FER: variants seen among roughly 807,000 people sequenced by gnomAD.
FER encodes the protein FER tyrosine kinase, also known as tyrosine-protein kinase Fer.
In FER, 63 loss-of-function variants were observed where a neutral mutation model predicts 111.0. The ratio of observed to expected loss-of-function variants is 0.57; its 90% CI spans 0.46 to 0.70. The LOEUF (loss-of-function observed/expected upper bound fraction) is 0.70, where lower values mean the gene tolerates loss of function less well. FER is among the 30% of genes least tolerant of loss of function. The probability of loss-of-function intolerance (pLI) is 0.00; values close to 1 mark genes in which losing one functional copy is unlikely to be tolerated. For synonymous variants in FER, 327 were observed against 313.9 expected, an observed-to-expected ratio of 1.04 and a Z score of -0.44; for missense variants, 914 against 954.0, an observed-to-expected ratio of 0.96 and a Z score of 0.55.
chr5:108,826,557 C>G (rs1245869035), intron 3 of FER, among the ~76,000 whole-genome samples: 2 of 152,132 alleles, frequency 1.3e-5, no homozygotes. Context: ...CTGGACAGTT[C>G]TTGTTTCTTA....
chr5:109,032,835 AGT>A lies in FER; in HGVS notation c.1657-4585_1657-4584del, dbSNP rs1404087766. ...AATAAGAGAATTGATAAATAGGAAAAGTGGATATTTTTCTTTTACCGTAATCA... is the reference window on the plus strand; with the variant it reads ...AATAAGAGAATTGATAAATAGGAAAAGGATATTTTTCTTTTACCGTAATCA... On this transcript the variant is annotated intron_variant, in intron 13 of 19. Transcript: ENST00000281092. 5.3e-5 allele frequency among the ~76,000 whole-genome samples: 8 copies of A among 152,334 alleles called. No homozygotes were observed. The East Asian group carries it at 1.3e-3, about 26-fold the overall frequency.
At chr5:108,911,300 C>T (rs1264917895) in intron 10 of FER, among the ~76,000 whole-genome samples, 2 of 151,900 alleles carry the variant, frequency 1.3e-5, no homozygotes. Context: ...TGTCGTTTGC[C>T]CACTTTTTAA....
At chr5:109,092,284 C>CAAAAAAAAAAAA (rs70999914) in intron 16 of FER, among the ~76,000 whole-genome samples, 4 of 40,424 alleles carry the variant, frequency 9.9e-5, no homozygotes, top group African/African-American at 1.6e-4. Flanking sequence ...CTTATGATGG[C>CAAAAAAAAAAAA]AAAAAAAAAA....
intron 16 of FER, among the ~76,000 whole-genome samples, chr5:109,061,704 A>G (rs977027150): frequency 2.6e-5 from 4 of 152,166 alleles, no homozygotes; most frequent in African/African-American, 9.7e-5. Context: ...AAACAGGAAA[A>G]TTTCTGTTTG....
chr5:109,153,491 A>T (rs923798684), intron 17 of FER, among the ~76,000 whole-genome samples: 1 of 151,962 alleles, frequency 6.6e-6, no homozygotes, highest in Admixed American at 6.6e-5. Context: ...ATTTTCAGTA[A>T]TAAAGTGTGC....
At chr5:108,993,605 GAGGGAGAGGGCA>G (rs1169933455) in intron 13 of FER, among the ~76,000 whole-genome samples, 14 of 113,434 alleles carry the variant, frequency 1.2e-4, no homozygotes, top group South Asian at 2.6e-4. Context: ...GGGCGAGGGC[GAGGGAGAGGGCA>G]AGGGCGAGGG....
At chr5:108,998,254 T>A (rs1408932546) in intron 13 of FER, among the ~76,000 whole-genome samples, 2 of 150,674 alleles carry the variant, frequency 1.3e-5, no homozygotes, top group Non-Finnish European at 2.9e-5. Flanking sequence ...AGTCTTGTGG[T>A]TGAAACTCAG....
chr5:108,805,139 T>C (rs918779183), intron 3 of FER, among the ~76,000 whole-genome samples: 3 of 152,076 alleles, frequency 2.0e-5, no homozygotes, highest in African/African-American at 7.2e-5. Flanking sequence ...GGTGACTGAA[T>C]TATGGGAGTG....
intron 5 of FER, among the ~76,000 whole-genome samples, chr5:108,850,710 C>T (rs565322880): frequency 6.6e-6 from 1 of 151,952 alleles, no homozygotes; most frequent in Non-Finnish European, 1.5e-5. Context: ...CTGTTTATTA[C>T]AGTAATTTTG....
At chr5:109,099,274 A>G (rs1747915043) in intron 16 of FER, among the ~76,000 whole-genome samples, 1 of 151,612 alleles carries the variant, frequency 6.6e-6, no homozygotes, top group African/African-American at 2.4e-5. Flanking sequence ...TGCATTAGTC[A>G]GTATGGTAGT....
intron 5 of FER, among the ~76,000 whole-genome samples, chr5:108,863,404 C>T (rs1763726327): frequency 6.6e-6 from 1 of 152,150 alleles, no homozygotes; most frequent in African/African-American, 2.4e-5. Flanking sequence ...TACACGTGAG[C>T]TGCTGCACCC....
Position 109,192,865 on chromosome 5 carries a change from A to G in FER, c.*5290A>G, listed in dbSNP as rs986561589. 2.0e-5 allele frequency: 3 copies of G among 152,176 alleles called. No homozygotes were observed. Among genetic ancestry groups the G allele is most frequent in the Admixed American group, 2.0e-4 (3 of 15,272 alleles). The allele number at this position is 152,176 out of a possible 1,614,324, so 9.4% of individuals were successfully genotyped here. A position where few individuals can be genotyped will look rare whatever the true frequency, so the allele number is the denominator to read the frequency against. On this transcript the variant is annotated 3_prime_UTR_variant, in exon 20 of 20. Transcript: ENST00000281092. ...CAAGTAGCAATGTTCCTTGTCTTCA[A>G]TAACATTTGAGGGAAAGGAATCTAG...
intron 17 of FER, among the ~76,000 whole-genome samples, chr5:109,110,119 T>G (rs1232465235): frequency 2.0e-5 from 3 of 152,170 alleles, no homozygotes; most frequent in Admixed American, 2.0e-4. Flanking sequence ...GTGTTACCAA[T>G]ACTGAGTATG....
intron 8 of FER, among the ~76,000 whole-genome samples, chr5:108,880,411 T>C (rs1185851731): frequency 6.6e-6 from 1 of 152,192 alleles, no homozygotes; most frequent in African/African-American, 2.4e-5. Context: ...GGACAGATTC[T>C]GAGGTAGGGC....
At chr5:109,041,838 T>G (rs1771225634) in intron 14 of FER, among the ~76,000 whole-genome samples, 1 of 152,134 alleles carries the variant, frequency 6.6e-6, no homozygotes, top group African/African-American at 2.4e-5. Context: ...GTGGGAGAGA[T>G]AATGGTTTAA....
rs560794630 is a variant in FER, at chr5:108,866,089, T to C, written c.482-1678T>C. Among the ~76,000 whole-genome samples, 7 of 152,310 alleles carry C rather than the reference T, an allele frequency of 4.6e-5. No homozygotes were observed. In the South Asian group the frequency reaches 1.4e-3, roughly 32 times the overall value. The stretch of plus-strand genomic sequence containing the variant: ...GACCCAGCCATCCCATTACTGAGTA[T>C]ATACCAAAAATATTATAAATCATGC... On this transcript the variant is annotated intron_variant, in intron 5 of 19. Transcript: ENST00000281092.
At chr5:108,766,630 A>G (rs1008347232) in intron 1 of FER, among the ~76,000 whole-genome samples, 1 of 152,240 alleles carries the variant, frequency 6.6e-6, no homozygotes, top group Non-Finnish European at 1.5e-5. Flanking sequence ...GTAGACTTGG[A>G]GAATATGCCT....
chr5:108,816,337 C>G (rs746507326), intron 3 of FER, among the ~76,000 whole-genome samples: 17 of 152,130 alleles, frequency 1.1e-4, no homozygotes, highest in Non-Finnish European at 2.2e-4. Context: ...TTGTTGTGAG[C>G]CACACTCATC....
chr5:108,909,623 T>C (rs1751275285), intron 10 of FER, among the ~76,000 whole-genome samples: 1 of 152,094 alleles, frequency 6.6e-6, no homozygotes, highest in African/African-American at 2.4e-5. Context: ...TTTAAATCTG[T>C]CTTCTTTTTG....
Sources: allele counts gnomAD v4.1 joint callset (sites outside exome capture counted in the v4.1 genomes callset), GRCh38; gene constraint gnomAD v4.1.1; transcripts MANE v1.5; gene names NCBI Gene and HGNC (gene_info 2026-07-23, HGNC 2026-07-21).